The following NTSR1 variants were observed in gnomAD, a reference collection of about 807,000 sequenced individuals.
NTSR1 encodes the protein neurotensin receptor 1.
NTSR1 carries 29 observed loss-of-function variants against 31.2 expected under a neutral mutation model. The observed-to-expected ratio is 0.93, with a 90% confidence interval of 0.69 to 1.27. The LOEUF (loss-of-function observed/expected upper bound fraction) is 1.27, where lower values mean the gene tolerates loss of function less well. Ranked by LOEUF, NTSR1 falls within the 50% of genes most tolerant of loss-of-function variation. The pLI is 0.00. For missense variants in NTSR1, 697 were observed against 595.4 expected (o/e 1.17, Z -1.78); for synonymous variants, 282 against 269.9 (o/e 1.04, Z -0.44).
chr20:62,747,379 GTAAA>G lies in NTSR1; in HGVS notation c.715-7305_715-7302del, dbSNP rs1447728805. Among the ~76,000 whole-genome samples, 96 of 118,492 alleles carry G rather than the reference GTAAA, an allele frequency of 8.1e-4. 27 individuals are homozygous for G. The Middle Eastern group carries it at 0.018, about 22-fold the overall frequency. 77.7% of individuals were successfully genotyped at this position (118,492 alleles called of 152,430 possible). A position where few individuals can be genotyped will look rare whatever the true frequency, so the allele number is the denominator to read the frequency against. ...ACCCACAGCTAACACCACACTCAGT[GTAAA>G]GGCCACGTATGACAGACCCACAGCT... On this transcript the variant is annotated intron_variant, in intron 1 of 3. Coordinates refer to ENST00000370501, the MANE Select transcript of NTSR1 (RefSeq NM_002531.3).
rs921029614 is a variant in NTSR1 at position 62,761,370 on chromosome 20, C to T, written c.*1103C>T. ...GCTGGCCGGCAGCCCTGGGCTGAGG[C>T]ACAGACTCATTTGTCACCTTCTGGC... On this transcript the variant is annotated 3_prime_UTR_variant, in exon 4 of 4. Coordinates refer to ENST00000370501, the MANE Select transcript of NTSR1 (RefSeq NM_002531.3). 5 of 152,240 alleles carry T rather than the reference C, an allele frequency of 3.3e-5. No individual in the cohort carries two copies. The highest frequency in any genetic ancestry group is 1.2e-4 in the African/African-American group (5 of 41,442). The allele number at this position is 152,240 out of a possible 1,614,324, so 9.4% of individuals were successfully genotyped here.
At chr20:62,753,356 G>C (rs951005739) in intron 1 of NTSR1, among the ~76,000 whole-genome samples, 3 of 152,218 alleles carry the variant, frequency 2.0e-5, no homozygotes, top group Admixed American at 6.5e-5. Context: ...TCCTCACCGG[G>C]ACCATCCTGA....
intron 1 of NTSR1, among the ~76,000 whole-genome samples, chr20:62,726,723 T>G (rs1317774502): frequency 6.7e-6 from 1 of 148,954 alleles, no homozygotes; most frequent in Non-Finnish European, 1.5e-5. Flanking sequence ...TGGGAATGGC[T>G]TCACAACTGT....
intron 3 of NTSR1, 73 bp from the exon 4 acceptor site, chr20:62,759,943 TGG>T (rs1989584889): frequency 2.7e-6 from 4 of 1,478,590 alleles, no homozygotes; most frequent in Non-Finnish European, 3.7e-6. Flanking sequence ...TCAGCCGCTG[TGG>T]CCCCGGCTGT....
At chr20:62,754,332 C>T (rs1313767209) in intron 1 of NTSR1, among the ~76,000 whole-genome samples, 1 of 152,204 alleles carries the variant, frequency 6.6e-6, no homozygotes, top group Admixed American at 6.5e-5. Context: ...CATGTCCAGA[C>T]CTGGGAACCT....
chr20:62,740,625 G>T (rs1989188750), intron 1 of NTSR1, among the ~76,000 whole-genome samples: 1 of 152,342 alleles, frequency 6.6e-6, no homozygotes, highest in Non-Finnish European at 1.5e-5. Context: ...CCTGGCCACG[G>T]TTTCCTCATC....
At chr20:62,747,707 TCTGCAGATGACATGAAC>T (rs1989324866) in intron 1 of NTSR1, among the ~76,000 whole-genome samples, 1 of 152,186 alleles carries the variant, frequency 6.6e-6, no homozygotes, top group South Asian at 2.1e-4. Flanking sequence ...TAAAATTGTC[TCTGCAGATGACATGAAC>T]TTATGTATAG....
At chr20:62,729,261 G>A (rs562791769) in intron 1 of NTSR1, among the ~76,000 whole-genome samples, 1 of 152,356 alleles carries the variant, frequency 6.6e-6, no homozygotes, top group Non-Finnish European at 1.5e-5. Context: ...GCAGGGTGGG[G>A]AGAGAGTAGC....
In NTSR1 at chr20:62,758,351, G is replaced by C. The variant is rs756820493; in HGVS notation, c.1002G>C (p.Trp334Cys). The C allele has an allele frequency of 6.2e-7, 1 of 1,613,390 alleles. No homozygotes were observed. The highest frequency in any genetic ancestry group is 8.5e-7 in the Non-Finnish European group (1 of 1,179,736). The stretch of plus-strand genomic sequence containing the variant: ...TCTGCTACATCTCGGATGAGCAGTG[G>C]ACTCCGTGAGTACCGGGAACCAGGA... ...LMFCYISDEQ[W>C]TPFLYDFYHY... Residue 334 changes from tryptophan to cysteine, a missense_variant, in exon 3 of 4, where the codon TGG becomes TGC. By Grantham distance (215) the Trp-to-Cys change is radical. Coordinates refer to ENST00000370501, the MANE Select transcript of NTSR1 (RefSeq NM_002531.3). This position sits in a 1 kb window ranked among gnomAD's most constrained non-coding sequence, Gnocchi z 4.5.
At chr20:62,712,688 C>T (rs1988638672) in intron 1 of NTSR1, among the ~76,000 whole-genome samples, 1 of 152,210 alleles carries the variant, frequency 6.6e-6, no homozygotes, top group Non-Finnish European at 1.5e-5. Flanking sequence ...GGCTCAGGGA[C>T]CTACGGGTGC....
chr20:62,733,107 T>C lies in NTSR1; in HGVS notation c.715-21578T>C, dbSNP rs1328770594. 11 of 152,006 alleles carry C rather than the reference T, an allele frequency of 7.2e-5. No homozygotes were observed. Among genetic ancestry groups the C allele is most frequent in the Admixed American group, 7.2e-4 (11 of 15,278 alleles). 9.4% of individuals were successfully genotyped at this position (152,006 alleles called of 1,614,324 possible). A position where few individuals can be genotyped will look rare whatever the true frequency, so the allele number is the denominator to read the frequency against. On this transcript the variant is annotated intron_variant, in intron 1 of 3. Transcript: ENST00000370501. The surrounding 1 kb of genome is among the most constrained non-coding windows in gnomAD (Gnocchi z 5.2). Reference sequence around the variant, plus strand: ...CAAGCAGCAGTGCCGTGCATATTCATGTCGGCATTGGACTTGCAAATTCTG... The same window carrying C: ...CAAGCAGCAGTGCCGTGCATATTCACGTCGGCATTGGACTTGCAAATTCTG...
chr20:62,755,998 C>G (rs551405582), intron 2 of NTSR1, among the ~76,000 whole-genome samples: 66 of 150,422 alleles, frequency 4.4e-4, no homozygotes, highest in Middle Eastern at 3.4e-3. Flanking sequence ...CACTTGCTCA[C>G]GTGCTCACTT....
At chr20:62,716,614 T>TGTTGGTTGTGGTTCAAAGCTCGTGGG (rs1988729156) in intron 1 of NTSR1, among the ~76,000 whole-genome samples, 6 of 152,102 alleles carry the variant, frequency 3.9e-5, no homozygotes, top group African/African-American at 1.5e-4. Context: ...CGTGAGTCTG[T>TGTTGGTTGTGGTTCAAAGCTCGTGGG]GAAAAACAAC....
intron 1 of NTSR1, among the ~76,000 whole-genome samples, chr20:62,729,764 G>A (rs1221747238): frequency 6.6e-6 from 1 of 151,664 alleles, no homozygotes; most frequent in African/African-American, 2.4e-5. Context: ...TGGGATTACA[G>A]GAGCCCGCCA....
intron 1 of NTSR1, among the ~76,000 whole-genome samples, chr20:62,719,436 T>C (rs959853506): frequency 6.6e-6 from 1 of 151,986 alleles, no homozygotes; most frequent in Non-Finnish European, 1.5e-5. Context: ...CACATGACCA[T>C]CTCCACCCTC....
rs568156525 is a variant in NTSR1, at chr20:62,743,169, C to T, written c.715-11516C>T. Among the ~76,000 whole-genome samples the T allele has an allele frequency of 1.3e-5, 2 of 149,548 alleles. No homozygotes were observed. The highest frequency in any genetic ancestry group is 5.0e-5 in the African/African-American group (2 of 40,066). ...GCCATCTCAGGCCCACCCATTGCCT[C>T]ATTGCTCCCTGCCCCCGGTCCAGTC... On this transcript the variant is annotated intron_variant, in intron 1 of 3. Transcript: ENST00000370501. The surrounding 1 kb of genome is among the most constrained non-coding windows in gnomAD (Gnocchi z 7.5).
Position 62,760,408 on chromosome 20 carries a change from C to G in NTSR1, c.*141C>G, listed in dbSNP as rs564538453. On this transcript the variant is annotated 3_prime_UTR_variant, in exon 4 of 4. Transcript: ENST00000370501. ...CTGGAGTCTGAGGCCTGGGACCCCCCCCTCCCACCCCCTAACCCATGTTTC... is the reference window on the plus strand; with the variant it reads ...CTGGAGTCTGAGGCCTGGGACCCCCGCCTCCCACCCCCTAACCCATGTTTC... 79 of 778,328 alleles carry G rather than the reference C, an allele frequency of 1.0e-4. No homozygotes were observed. The highest frequency in any genetic ancestry group is 7.5e-4 in the Middle Eastern group (2 of 2,650). 48.2% of individuals were successfully genotyped at this position (778,328 alleles called of 1,614,324 possible).
In NTSR1 at chr20:62,758,478, C is replaced by A; in HGVS notation, c.1007+122C>A. On this transcript the variant is annotated intron_variant, in intron 3 of 3. Coordinates refer to ENST00000370501, the MANE Select transcript of NTSR1 (RefSeq NM_002531.3). The surrounding 1 kb of genome is among the most constrained non-coding windows in gnomAD (Gnocchi z 4.5). ...GGCAGGGGTGTGGTGAGTCCCCCGG[C>A]GACCCCCTGGGCAGGGTTGTGCTGT... 1 of 856,152 alleles carries A rather than the reference C, an allele frequency of 1.2e-6. No individual in the cohort carries two copies. The highest frequency in any genetic ancestry group is 1.9e-6 in the Non-Finnish European group (1 of 537,034). 53.0% of individuals were successfully genotyped at this position (856,152 alleles called of 1,614,324 possible).
chr20:62,761,437 T>C lies in NTSR1; in HGVS notation c.*1170T>C, dbSNP rs938367672. On this transcript the variant is annotated 3_prime_UTR_variant, in exon 4 of 4. Coordinates refer to ENST00000370501, the MANE Select transcript of NTSR1 (RefSeq NM_002531.3). ...CCGGCCTCCAAGCAGTTGAAAAAGC[T>C]GGCGCCTCCTTGGTCTCTAGGATCC... is the stretch of plus-strand genomic sequence containing the variant. The C allele has an allele frequency of 1.3e-5, 2 of 152,312 alleles. No homozygotes were observed. Among genetic ancestry groups the C allele is most frequent in the African/African-American group, 4.8e-5 (2 of 41,468 alleles). The allele number at this position is 152,312 out of a possible 1,614,324, so 9.4% of individuals were successfully genotyped here. A position where few individuals can be genotyped will look rare whatever the true frequency, so the allele number is the denominator to read the frequency against.
Sources: allele counts gnomAD v4.1 joint callset (sites outside exome capture counted in the v4.1 genomes callset), GRCh38; gene constraint gnomAD v4.1.1; non-coding constraint Gnocchi (gnomAD v3.1); transcripts MANE v1.5; gene names NCBI Gene and HGNC (gene_info 2026-07-23, HGNC 2026-07-21).